AS3MT: variants seen among roughly 807,000 people sequenced by gnomAD.
AS3MT encodes S-adenosyl-L-methionine:arsenic(III) methyltransferase.
Under a neutral mutation model 45.3 loss-of-function variants are expected in AS3MT, and 47 were observed. The observed-to-expected ratio is 1.04, with a 90% CI of 0.82 to 1.32. AS3MT has a LOEUF of 1.32. AS3MT is among the 40% of genes most tolerant of loss of function. The pLI is 0.00. For missense variants in AS3MT, 396 were observed against 451.1 expected, an observed-to-expected ratio of 0.88 and a Z score of 1.11; for synonymous variants, 141 against 152.8, an observed-to-expected ratio of 0.92 and a Z score of 0.57.
chr10:102,890,353 G>A lies in AS3MT; in HGVS notation c.886-191G>A, dbSNP rs538474749. Among the ~76,000 whole-genome samples the A allele has an allele frequency of 2.0e-5, 3 of 152,168 alleles. No individual in the cohort carries two copies. The South Asian group carries it at 6.2e-4, about 32-fold the overall frequency. On this transcript the variant is annotated intron_variant, in intron 9 of 10. Transcript: ENST00000369880. ...AGGGGGATTGCTGGGTCATATAGTA[G>A]TTCTATTTTTAATTTTTTGAGGAAT...
In AS3MT at chr10:102,873,216, G is replaced by A. The variant is rs1209892369; in HGVS notation, c.441G>A (p.Glu147=). 2 of 1,606,310 alleles carry A rather than the reference G, an allele frequency of 1.2e-6. No homozygotes were observed. The highest frequency in any genetic ancestry group is 1.3e-5 in the African/African-American group (1 of 74,358). The part of the protein sequence containing the change: ...EKLGEAGIKN[E]SHDIVVSNCV... ...TGGGAGAGGCTGGAATCAAGAATGA[G>A]AGCCATGATATTGTTGTGTAGGTCT... The change falls in exon 5 of 11, where the codon GAG becomes GAA. Residue 147 remains glutamate (E), a synonymous_variant. Transcript: ENST00000369880.
At chr10:102,875,821 C>T (rs1844775557) in intron 6 of AS3MT, among the ~76,000 whole-genome samples, 1 of 151,874 alleles carries the variant, frequency 6.6e-6, no homozygotes, top group African/African-American at 2.4e-5. Flanking sequence ...CAAGATTTCA[C>T]CATATTGGTC....
intron 7 of AS3MT, among the ~76,000 whole-genome samples, chr10:102,878,013 A>G (rs1465780786): frequency 6.6e-6 from 1 of 151,984 alleles, no homozygotes; most frequent in East Asian, 1.9e-4. Flanking sequence ...GGCCTCCCAA[A>G]GTGCTGGGAT....
At chr10:102,888,865 A>ATTTTTT (rs1564794436) in intron 9 of AS3MT, among the ~76,000 whole-genome samples, 1 of 83,542 alleles carries the variant, frequency 1.2e-5, no homozygotes, top group Non-Finnish European at 2.4e-5. Context: ...ATATATATAT[A>ATTTTTT]TATATATATA....
intron 10 of AS3MT, among the ~76,000 whole-genome samples, 195 bp downstream of exon 10, chr10:102,890,873 G>A (rs17882560): frequency 0.11 from 16,475 of 151,964 alleles, 903 homozygotes; most frequent in Middle Eastern, 0.18. Flanking sequence ...CACCACGCCC[G>A]GCTAATTTTT....
At chr10:102,878,797 GCAA>G (rs1844828078) in intron 8 of AS3MT, 49 bp from the exon 9 acceptor site, 2 of 1,585,138 alleles carry the variant, frequency 1.3e-6, no homozygotes, top group Non-Finnish European at 1.7e-6. Flanking sequence ...GCTGAGCAAG[GCAA>G]CAACTGGGGG....
At chr10:102,872,425 A>T (rs374532111) in intron 3 of AS3MT, 23 bp from the exon 4 acceptor site, 2 of 1,612,456 alleles carry the variant, frequency 1.2e-6, no homozygotes, top group Non-Finnish European at 1.7e-6. Context: ...CCAGGGAAAA[A>T]ATATGTGTTT....
chr10:102,874,226 C>T (rs1216726748), intron 5 of AS3MT, among the ~76,000 whole-genome samples: 1 of 150,736 alleles, frequency 6.6e-6, no homozygotes, highest in African/African-American at 2.4e-5. Context: ...GTACTCCAGC[C>T]TGGGCAACAG....
chr10:102,879,982 T>C (rs181450183), intron 9 of AS3MT, among the ~76,000 whole-genome samples: 126 of 152,136 alleles, frequency 8.3e-4, no homozygotes, highest in African/African-American at 2.8e-3. Flanking sequence ...TCAGCATGCG[T>C]CCCATAGGAA....
At chr10:102,897,598 T>TTCCCGAGTA (rs2134134608) in intron 10 of AS3MT, among the ~76,000 whole-genome samples, 2 of 151,618 alleles carry the variant, frequency 1.3e-5, no homozygotes, top group Admixed American at 6.6e-5. Context: ...CCCGAGTAGC[T>TTCCCGAGTA]GGGACTACAG....
At chr10:102,883,510 C>G (rs945259506) in intron 9 of AS3MT, among the ~76,000 whole-genome samples, 10 of 151,806 alleles carry the variant, frequency 6.6e-5, no homozygotes, top group Non-Finnish European at 1.2e-4. Context: ...GTCAGGAGTT[C>G]GAGACCAGCC....
At chr10:102,900,473 GA>G in intron 10 of AS3MT, 119 bp from the exon 11 acceptor site, 1 of 665,568 alleles carries the variant, frequency 1.5e-6, no homozygotes, top group Non-Finnish European at 2.6e-6. Context: ...GGATCTCATG[GA>G]ATTGTAAAAT....
chr10:102,874,474 G>A, intron 5 of AS3MT, 118 bp from the exon 6 acceptor site: 1 of 678,130 alleles, frequency 1.5e-6, no homozygotes, highest in Non-Finnish European at 2.6e-6. Context: ...GAGGAGGGAG[G>A]CGGTAAGAAT....
At chr10:102,896,374 C>A (rs1169349047) in intron 10 of AS3MT, among the ~76,000 whole-genome samples, 1 of 149,040 alleles carries the variant, frequency 6.7e-6, no homozygotes, top group African/African-American at 2.5e-5. Context: ...TGAGAAATCA[C>A]TTTCAAAAAT....
intron 9 of AS3MT, among the ~76,000 whole-genome samples, chr10:102,889,331 T>C (rs1564794705): frequency 6.6e-6 from 1 of 152,134 alleles, no homozygotes; most frequent in African/African-American, 2.4e-5. Flanking sequence ...TGAGAACATA[T>C]GATATTTGTC....
Position 102,878,848 on chromosome 10 carries a change from G to A in AS3MT, c.743-1G>A, listed in dbSNP as rs377369423. On this transcript the variant is annotated splice_acceptor_variant, in intron 8 of 10. Coordinates refer to ENST00000369880, the MANE Select transcript of AS3MT (RefSeq NM_020682.4). LOFTEE classifies it high-confidence loss of function. ...GAACCGTGAATAAATTCTATTTTTA[G>A]GTGACTGTCGTTTTGTTTCTGCAAC... 6.2e-7 allele frequency: 1 copy of A among 1,611,262 alleles called. No homozygotes were observed.
At chr10:102,871,064 T>C (rs547300206) in intron 3 of AS3MT, among the ~76,000 whole-genome samples, 134 of 152,140 alleles carry the variant, frequency 8.8e-4, no homozygotes, top group African/African-American at 3.1e-3. Context: ...GTCAACATAG[T>C]GAAACCCTGT....
chr10:102,872,048 G>T (rs1245721943), intron 3 of AS3MT, among the ~76,000 whole-genome samples: 1 of 151,890 alleles, frequency 6.6e-6, no homozygotes, highest in African/African-American at 2.4e-5. Flanking sequence ...GTGCCCAGCT[G>T]ATTTTTTGGT....
chr10:102,869,947 G>A, intron 2 of AS3MT, 102 bp downstream of exon 2: 1 of 1,573,964 alleles, frequency 6.4e-7, no homozygotes, highest in Admixed American at 1.7e-5. Flanking sequence ...GTCGGGGTAG[G>A]GCAGGGTCTA....
Sources: allele counts gnomAD v4.1 joint callset (sites outside exome capture counted in the v4.1 genomes callset), GRCh38; gene constraint gnomAD v4.1.1; transcripts MANE v1.5; gene names NCBI Gene and HGNC (gene_info 2026-07-23, HGNC 2026-07-21).